STRIP2: variants seen among roughly 807,000 people sequenced by gnomAD.
The protein encoded by STRIP2 is striatin interacting protein 2.
STRIP2 carries 84 observed loss-of-function variants against 107.1 expected under a neutral mutation model. That is an observed-to-expected ratio of 0.78 (90% confidence interval 0.66 to 0.94). The LOEUF (loss-of-function observed/expected upper bound fraction) is 0.94. STRIP2 is among the 40% of genes least tolerant of loss of function. The pLI is 0.00. For missense variants in STRIP2, 888 were observed against 1,034.2 expected (o/e 0.86, Z 1.94); for synonymous variants, 394 against 400.4 (o/e 0.98, Z 0.19).
intron 11 of STRIP2, 74 bp from the exon 12 acceptor site, chr7:129,459,443 C>G: frequency 7.7e-7 from 1 of 1,294,656 alleles, no homozygotes. Flanking sequence ...TCTGTTGACT[C>G]TAGGGGGGTA....
chr7:129,475,243 A>G (rs1167697168), intron 18 of STRIP2, among the ~76,000 whole-genome samples: 1 of 152,200 alleles, frequency 6.6e-6, no homozygotes, highest in African/African-American at 2.4e-5. Context: ...GGTTGTTGAG[A>G]GCAGTGGTAT....
chr7:129,466,658 G>A (rs187525441), intron 16 of STRIP2, among the ~76,000 whole-genome samples: 2 of 152,232 alleles, frequency 1.3e-5, no homozygotes, highest in East Asian at 3.9e-4. Flanking sequence ...GACCACATCT[G>A]GATTTGGGAG....
At chr7:129,435,322 T>C (rs971044992) in intron 1 of STRIP2, among the ~76,000 whole-genome samples, 10 of 152,252 alleles carry the variant, frequency 6.6e-5, no homozygotes, top group Non-Finnish European at 1.2e-4. Context: ...GATGAAAGCG[T>C]TGAATTATTA....
rs1046710419 is a variant in STRIP2, at chr7:129,477,067, C to G, written c.1945-3718C>G. Reference sequence around the variant, plus strand: ...GCGCGCGCCTGCAATCGCAGGCACTCGGCAGGCTGAGGCAGGAGAATCAGG... The same window carrying G: ...GCGCGCGCCTGCAATCGCAGGCACTGGGCAGGCTGAGGCAGGAGAATCAGG... On this transcript the variant is annotated intron_variant, in intron 18 of 20. Coordinates refer to ENST00000249344, the MANE Select transcript of STRIP2 (RefSeq NM_020704.3). 1.8e-4 allele frequency among the ~76,000 whole-genome samples: 28 copies of G among 151,400 alleles called. No individual in the cohort carries two copies. In the East Asian group the frequency reaches 2.7e-3, roughly 15 times the overall value.
chr7:129,434,747 A>G (rs975056223), intron 1 of STRIP2, 146 bp downstream of exon 1: 204 of 1,048,762 alleles, frequency 1.9e-4, no homozygotes, highest in Middle Eastern at 3.2e-4. Context: ...CTAGCGGCTG[A>G]ACTCTGGGCT....
chr7:129,455,161 G>T (rs1008360086), intron 7 of STRIP2, 83 bp from the exon 8 acceptor site: 3 of 1,499,328 alleles, frequency 2.0e-6, no homozygotes, highest in Admixed American at 4.0e-5. Flanking sequence ...GCCTTCCTGT[G>T]TGTGTCCAGA....
chr7:129,441,022 T>A (rs1019929044), intron 2 of STRIP2, among the ~76,000 whole-genome samples: 2 of 151,880 alleles, frequency 1.3e-5, no homozygotes, highest in Non-Finnish European at 2.9e-5. Context: ...TAAATATATA[T>A]ATATTTTAAA....
At chr7:129,480,200 G>A (rs1184218455) in intron 18 of STRIP2, among the ~76,000 whole-genome samples, 1 of 152,066 alleles carries the variant, frequency 6.6e-6, no homozygotes, top group Non-Finnish European at 1.5e-5. Context: ...TGTTGTCTCT[G>A]GTTAGGTGTT....
chr7:129,456,141 CTTTTTTTTCTT>C (rs1331835524), intron 8 of STRIP2, among the ~76,000 whole-genome samples: 3 of 81,004 alleles, frequency 3.7e-5, no homozygotes, highest in East Asian at 4.4e-4. Context: ...TCGATAGTTT[CTTTTTTTTCTT>C]TTTTTTTTTT....
At chr7:129,475,405 G>A (rs1447247110) in intron 18 of STRIP2, among the ~76,000 whole-genome samples, 1 of 151,412 alleles carries the variant, frequency 6.6e-6, no homozygotes, top group African/African-American at 2.4e-5. Flanking sequence ...GATTTGGCAG[G>A]GTCACAGGAC....
intron 18 of STRIP2, among the ~76,000 whole-genome samples, chr7:129,479,491 C>CTTTTTTTTTTTTTTTTTTTT (rs10558221): frequency 7.3e-6 from 1 of 136,370 alleles, no homozygotes; most frequent in African/African-American, 2.7e-5. Context: ...AATAATGTTT[C>CTTTTTTTTTTTTTTTTTTTT]TTTTTTTTTT....
Position 129,473,437 on chromosome 7 carries a change from C to T in STRIP2, c.1944+2722C>T, listed in dbSNP as rs143375246. ...AGTGCAGTGCACTCGGCCTGAAGCACGGCCCATCGCAGCCTCAAGCTCCTG... is the reference window on the plus strand; with the variant it reads ...AGTGCAGTGCACTCGGCCTGAAGCATGGCCCATCGCAGCCTCAAGCTCCTG... On this transcript the variant is annotated intron_variant, in intron 18 of 20. Coordinates refer to ENST00000249344, the MANE Select transcript of STRIP2 (RefSeq NM_020704.3). 7.3e-4 allele frequency among the ~76,000 whole-genome samples: 111 copies of T among 152,276 alleles called. 2 individuals carry two copies. Among genetic ancestry groups the T allele is most frequent in the Admixed American group, 3.9e-3 (59 of 15,298 alleles).
chr7:129,455,372 G>T lies in STRIP2; in HGVS notation c.834+1G>T. The T allele has an allele frequency of 6.2e-7, 1 of 1,611,922 alleles. No homozygotes were observed. Among genetic ancestry groups the T allele is most frequent in the Non-Finnish European group, 8.5e-7 (1 of 1,179,158 alleles). Reference sequence around the variant, plus strand: ...GCTCCTGCTCTGGAAGGTGGTCATGGTGAGTAATTCTCCCCACTCCCACAT... The same window carrying T: ...GCTCCTGCTCTGGAAGGTGGTCATGTTGAGTAATTCTCCCCACTCCCACAT... On this transcript the variant is annotated splice_donor_variant, in intron 8 of 20. Transcript: ENST00000249344. LOFTEE classifies it high-confidence loss of function.
Position 129,461,630 on chromosome 7 carries a change from C to A in STRIP2, c.1476+1258C>A, listed in dbSNP as rs867666864. On this transcript the variant is annotated intron_variant, in intron 13 of 20. Coordinates refer to ENST00000249344, the MANE Select transcript of STRIP2 (RefSeq NM_020704.3). The surrounding 1 kb of genome is among the most constrained non-coding windows in gnomAD (Gnocchi z 4.0). The stretch of plus-strand genomic sequence containing the variant: ...TAATAAGTGGCATTATGGTAAGAAC[C>A]AAGGTGCCCATTGGATTTGGCAACA... 6.6e-5 allele frequency among the ~76,000 whole-genome samples: 10 copies of A among 152,252 alleles called. No individual in the cohort carries two copies. Among genetic ancestry groups the A allele is most frequent in the South Asian group, 2.1e-4 (1 of 4,816 alleles).
At chr7:129,482,522 C>T (rs544668324) in intron 19 of STRIP2, among the ~76,000 whole-genome samples, 2 of 151,656 alleles carry the variant, frequency 1.3e-5, no homozygotes, top group South Asian at 4.2e-4. Context: ...GGATTACAGG[C>T]CCATGCCACC....
chr7:129,445,721 G>A (rs1798016656), intron 3 of STRIP2, among the ~76,000 whole-genome samples: 1 of 152,176 alleles, frequency 6.6e-6, no homozygotes, highest in African/African-American at 2.4e-5. Flanking sequence ...CAGGATGATG[G>A]GGAACATGGT....
intron 3 of STRIP2, among the ~76,000 whole-genome samples, chr7:129,448,340 C>A (rs1470723401): frequency 6.6e-6 from 1 of 152,170 alleles, no homozygotes; most frequent in Non-Finnish European, 1.5e-5. Flanking sequence ...TTCCCCAGTG[C>A]ACAGTTACCC....
At chr7:129,454,643 T>G in intron 7 of STRIP2, 116 bp downstream of exon 7, 1 of 691,264 alleles carries the variant, frequency 1.4e-6, no homozygotes, top group Non-Finnish European at 2.6e-6. Flanking sequence ...TTTTTAAAAT[T>G]AATGTCCTTT....
rs116005749 is a variant in STRIP2 at position 129,464,142 on chromosome 7, G to A, written c.1649+1G>A. 1.6e-5 allele frequency: 25 copies of A among 1,608,772 alleles called. No homozygotes were observed. Among genetic ancestry groups the A allele is most frequent in the Middle Eastern group, 1.9e-4 (1 of 5,180 alleles). On this transcript the variant is annotated splice_donor_variant, in intron 15 of 20. Coordinates refer to ENST00000249344, the MANE Select transcript of STRIP2 (RefSeq NM_020704.3). LOFTEE classifies it high-confidence loss of function. ...CAGATGTCCTACCTGAGGAGATGCC[G>A]TGAGTGCTTCAACGGGGGCAGCTGC...
Sources: allele counts gnomAD v4.1 joint callset (sites outside exome capture counted in the v4.1 genomes callset), GRCh38; gene constraint gnomAD v4.1.1; non-coding constraint Gnocchi (gnomAD v3.1); transcripts MANE v1.5; gene names NCBI Gene and HGNC (gene_info 2026-07-23, HGNC 2026-07-21).